Variants in GCN1 observed in about 807,000 individuals in gnomAD.
GCN1 encodes the protein stalled ribosome sensor GCN1.
In GCN1, 90 loss-of-function variants were observed where a neutral mutation model predicts 288.4. The observed-to-expected ratio is 0.31, with a 90% confidence interval of 0.26 to 0.37. The LOEUF is 0.37. Ranked by LOEUF, GCN1 falls within the 10% of genes least tolerant of loss-of-function variation. GCN1 has a pLI of 1.00. For missense variants in GCN1, 2,586 were observed against 3,419.9 expected, an observed-to-expected ratio of 0.76 and a Z score of 6.08; for synonymous variants, 1,386 against 1,420.2, an observed-to-expected ratio of 0.98 and a Z score of 0.54.
rs1169894054 is a variant in GCN1, at chr12:120,148,408, T to C, written c.4547-62A>G. 11 of 1,397,796 alleles carry C rather than the reference T, an allele frequency of 7.9e-6. No individual in the cohort carries two copies. In the East Asian group the frequency reaches 2.3e-4, roughly 29 times the overall value. 86.6% of individuals were successfully genotyped at this position (1,397,796 alleles called of 1,614,324 possible). A position where few individuals can be genotyped will look rare whatever the true frequency, so the allele number is the denominator to read the frequency against. On this transcript the variant is annotated intron_variant, in intron 36 of 57. Transcript: ENST00000300648. ...TGAGCAAAGGCCAGCAACTCACCTG[T>C]GCTGGCTACATGAGCAAGGGACATC...
At chr12:120,138,570 C>T (rs573902795) in intron 46 of GCN1, 125 bp downstream of exon 46, 143 of 1,079,910 alleles carry the variant, frequency 1.3e-4, no homozygotes, top group Non-Finnish European at 2.0e-4. Flanking sequence ...TCTGATCTTG[C>T]TATACCCACT....
At position 120,174,166 on chromosome 12, in the gene GCN1, A is replaced by G. The variant is rs1878398650; in HGVS notation, c.1097T>C (p.Ile366Thr). ...VAQKMSVLSG[I>T]GSVSHHVVSG... ...CACCACGTGATGACTGACGCTCCCAATCCCTAAAAGGCAGATTCCCTGTTC... is the reference window on the plus strand; with the variant it reads ...CACCACGTGATGACTGACGCTCCCAGTCCCTAAAAGGCAGATTCCCTGTTC... Residue 366 changes from isoleucine to threonine, a missense_variant, in exon 13 of 58, where the codon ATT becomes ACT. By Grantham distance (89) the Ile-to-Thr change is moderately conservative. Coordinates refer to ENST00000300648, the MANE Select transcript of GCN1 (RefSeq NM_006836.2). 1 of 1,574,102 alleles carries G rather than the reference A, an allele frequency of 6.4e-7. No homozygotes were observed. The highest frequency in any genetic ancestry group is 8.7e-7 in the Non-Finnish European group (1 of 1,143,464).
At chr12:120,173,629 C>A in intron 14 of GCN1, 24 bp downstream of exon 14, 1 of 1,480,148 alleles carries the variant, frequency 6.8e-7, no homozygotes, top group Non-Finnish European at 9.4e-7. Flanking sequence ...GAGACCTGGA[C>A]ACTAGCCCTG....
rs753160265 is a variant in GCN1 at position 120,153,239 on chromosome 12, C to A, written c.4036G>T (p.Ala1346Ser). Residue 1346 changes from alanine (A) to serine (S), a missense_variant, in exon 33 of 58, where the codon GCT becomes TCT. Around this residue, in one of 8 missense-constraint regions of GCN1, gnomAD observed 332 missense variants for 403.0 expected, o/e 0.82. Coordinates refer to ENST00000300648, the MANE Select transcript of GCN1 (RefSeq NM_006836.2). The surrounding 1 kb of genome is among the most constrained non-coding windows in gnomAD (Gnocchi z 4.4). ...KVKPIVAKLI[A>S]ALSTPSQQVQ... is the part of the protein sequence containing the mutation. ...TGCTGGGAGGGGGTGGAGAGGGCAGCGATGAGCTTGGCAACAATGGGCTTC... is the reference window on the plus strand; with the variant it reads ...TGCTGGGAGGGGGTGGAGAGGGCAGAGATGAGCTTGGCAACAATGGGCTTC... 8.7e-6 allele frequency: 14 copies of A among 1,614,160 alleles called. No homozygotes were observed. Among genetic ancestry groups the A allele is most frequent in the Non-Finnish European group, 1.2e-5 (14 of 1,180,024 alleles).
intron 1 of GCN1, among the ~76,000 whole-genome samples, chr12:120,192,117 C>T (rs1175226054): frequency 2.0e-5 from 3 of 152,196 alleles, no homozygotes; most frequent in Non-Finnish European, 2.9e-5. Flanking sequence ...TCCCACCTCA[C>T]TTCAGTTTGA....
In GCN1 at chr12:120,129,260, C is replaced by T. The variant is rs368241252; in HGVS notation, c.7890+16G>A. 2.3e-5 allele frequency: 36 copies of T among 1,559,650 alleles called. No homozygotes were observed. The highest frequency in any genetic ancestry group is 2.7e-5 in the Non-Finnish European group (31 of 1,132,268). Reference sequence around the variant, plus strand: ...ATGCTCACAGCACATCCTGGTGAGGCCCCCCAGGCTCCCACCTGAAACACC... The same window carrying T: ...ATGCTCACAGCACATCCTGGTGAGGTCCCCCAGGCTCCCACCTGAAACACC... On this transcript the variant is annotated intron_variant, in intron 57 of 57. Transcript: ENST00000300648.
At chr12:120,173,082 C>CA (rs1424768598) in intron 14 of GCN1, among the ~76,000 whole-genome samples, 3 of 139,186 alleles carry the variant, frequency 2.2e-5, no homozygotes, top group East Asian at 2.2e-4. Context: ...TTTTCCAAGA[C>CA]AGAGTCTTGC....
chr12:120,138,953 G>GCCAC, intron 45 of GCN1, 97 bp from the exon 46 acceptor site: 1 of 1,013,250 alleles, frequency 9.9e-7, no homozygotes, highest in Non-Finnish European at 1.5e-6. Flanking sequence ...ACCCAGCTAG[G>GCCAC]CCACCCTAAC....
At position 120,127,957 on chromosome 12, in the gene GCN1, C is replaced by T; in HGVS notation, c.7908G>A (p.Leu2636=). The part of the protein sequence containing the change: ...EEVFQSLSKI[L]DVASLEVLNE... ...TCAGCACCTCCAAACTGGCCACATC[C>T]AGGATCTTGGAGAGGGACTGTGGGG... The change falls in exon 58 of 58, where the codon CTG becomes CTA. Residue 2636 remains leucine, a synonymous_variant. Transcript: ENST00000300648. 6.2e-7 allele frequency: 1 copy of T among 1,614,088 alleles called. No individual in the cohort carries two copies. The highest frequency in any genetic ancestry group is 8.5e-7 in the Non-Finnish European group (1 of 1,179,972).
intron 15 of GCN1, among the ~76,000 whole-genome samples, chr12:120,169,483 T>C (rs958594527): frequency 1.3e-5 from 2 of 151,710 alleles, no homozygotes; most frequent in African/African-American, 4.8e-5. Flanking sequence ...TAACACACTA[T>C]GTCTGGACAT....
chr12:120,130,692 G>C lies in GCN1; in HGVS notation c.7625C>G (p.Thr2542Arg). The C allele has an allele frequency of 1.2e-6, 2 of 1,614,008 alleles. No homozygotes were observed. Among genetic ancestry groups the C allele is most frequent in the Non-Finnish European group, 8.5e-7 (1 of 1,179,928 alleles). ...TTTGGCCGGCAACTGCCCTCCGCCT[G>C]TCTCGATGTGGTGTCTCATGAGAAA... is the stretch of plus-strand genomic sequence containing the variant. ...MGFLMRHHIETGGGQLPAKLS... is the reference protein window; with the variant it reads ...MGFLMRHHIERGGGQLPAKLS... The change falls in exon 56 of 58, where the codon ACA (threonine) becomes AGA (arginine). Residue 2542 changes from threonine to arginine, a missense_variant. Thr to Arg is a moderately conservative substitution (Grantham distance 71, BLOSUM62 -1). Coordinates refer to ENST00000300648, the MANE Select transcript of GCN1 (RefSeq NM_006836.2).
At chr12:120,143,593 A>G (rs1174212480) in intron 42 of GCN1, among the ~76,000 whole-genome samples, 1 of 152,022 alleles carries the variant, frequency 6.6e-6, no homozygotes, top group African/African-American at 2.4e-5. Context: ...AAAAGGAAAA[A>G]AAAAAAAAAA....
At chr12:120,191,742 CAA>C (rs1467100413) in intron 1 of GCN1, among the ~76,000 whole-genome samples, 2 of 152,110 alleles carry the variant, frequency 1.3e-5, no homozygotes, top group Non-Finnish European at 2.9e-5. Flanking sequence ...GAGTCAAAAC[CAA>C]AGAGTTCTGA....
At chr12:120,183,069 A>G (rs1373923737) in intron 5 of GCN1, among the ~76,000 whole-genome samples, 1 of 152,146 alleles carries the variant, frequency 6.6e-6, no homozygotes, top group Non-Finnish European at 1.5e-5. Context: ...GGAAAGAAAA[A>G]GAAGAGAATA....
Position 120,147,068 on chromosome 12 carries a change from G to A in GCN1, c.4931C>T (p.Ser1644Phe). 1 of 1,578,108 alleles carries A rather than the reference G, an allele frequency of 6.3e-7. No individual in the cohort carries two copies. The highest frequency in any genetic ancestry group is 8.6e-7 in the Non-Finnish European group (1 of 1,156,092). ...MAAQIIGNMY[S>F]LTDQKDLAPY... The stretch of plus-strand genomic sequence containing the variant: ...GGCCGCTACCTTCTGGTCTGTCAGG[G>A]AGTACATGTTGCCAATAATCTGGGC... The change falls in exon 38 of 58, where the codon TCC becomes TTC. Residue 1644 changes from serine to phenylalanine, a missense_variant. Coordinates refer to ENST00000300648, the MANE Select transcript of GCN1 (RefSeq NM_006836.2).
chr12:120,148,483 G>T, intron 36 of GCN1, 137 bp from the exon 37 acceptor site: 1 of 680,344 alleles, frequency 1.5e-6, no homozygotes, highest in Non-Finnish European at 2.4e-6. Context: ...GAGGAGGGGA[G>T]AGGGGGCTGG....
rs752795003 is a variant in GCN1, at chr12:120,177,452, A to G, written c.833T>C (p.Ile278Thr). The change falls in exon 9 of 58, where the codon ATT becomes ACT. Residue 278 changes from isoleucine (I) to threonine (T), a missense_variant. This residue lies in a region of GCN1 where 913 missense variants were observed against 1,107.0 expected (regional missense o/e 0.82). Transcript: ENST00000300648. The part of the protein sequence containing the change: ...KSLLRSPENV[I>T]ETISSLLASV... The stretch of plus-strand genomic sequence containing the variant: ...CCTGGTTGACAGCAACCTACTTTCA[A>G]TAACATTCTCTGGACTCCTCAGTAA... The G allele has an allele frequency of 1.3e-5, 20 of 1,543,130 alleles. No individual in the cohort carries two copies. The highest frequency in any genetic ancestry group is 1.6e-5 in the Non-Finnish European group (18 of 1,116,134).
chr12:120,151,902 C>G (rs566619512), intron 33 of GCN1, among the ~76,000 whole-genome samples: 1 of 152,318 alleles, frequency 6.6e-6, no homozygotes, highest in African/African-American at 2.4e-5. Context: ...GAGCAGCAAC[C>G]CCGAGGCCAT....
At chr12:120,143,060 A>G (rs1444921329) in intron 42 of GCN1, 119 bp from the exon 43 acceptor site, 1 of 626,902 alleles carries the variant, frequency 1.6e-6, no homozygotes, top group East Asian at 2.6e-5. Flanking sequence ...TCATCTTGGA[A>G]TGGGAAGAGT....
Sources: gnomAD v4.1 joint callset for allele counts (sites outside exome capture counted in the v4.1 genomes callset) on GRCh38, gnomAD v4.1.1 for gene constraint, gnomAD v4.1.1 regional missense constraint, Gnocchi (gnomAD v3.1) non-coding constraint, MANE v1.5 for transcripts, NCBI Gene and HGNC (gene_info 2026-07-23, HGNC 2026-07-21) for gene names.